Variants in PLEKHS1 observed in about 807,000 individuals in gnomAD.
The protein encoded by PLEKHS1 is pleckstrin homology domain-containing family S member 1.
In PLEKHS1, 55 loss-of-function variants were observed where a neutral mutation model predicts 51.0. The observed-to-expected ratio is 1.08, with a 90% confidence interval of 0.87 to 1.35. The LOEUF (loss-of-function observed/expected upper bound fraction) is 1.35. Among genes scored for constraint, PLEKHS1 ranks in the 40% most tolerant of loss-of-function variants. PLEKHS1 has a pLI of 0.00. For synonymous variants in PLEKHS1, 153 were observed against 144.8 expected (o/e 1.06, Z -0.41); for missense variants, 398 against 423.0 (o/e 0.94, Z 0.52).
chr10:113,768,128 A>G (rs148991582), intron 5 of PLEKHS1, among the ~76,000 whole-genome samples: 357 of 151,898 alleles, frequency 2.4e-3, no homozygotes, highest in African/African-American at 8.2e-3. Context: ...TCCATGTAAA[A>G]GAACCCAATA....
At chr10:113,779,318 C>T (rs912896708) in intron 11 of PLEKHS1, among the ~76,000 whole-genome samples, 2 of 152,130 alleles carry the variant, frequency 1.3e-5, no homozygotes, top group African/African-American at 4.8e-5. Flanking sequence ...CACCTGTAAC[C>T]CCAGCACTTT....
At chr10:113,776,418 G>T (rs998994196) in intron 11 of PLEKHS1, among the ~76,000 whole-genome samples, 1 of 152,090 alleles carries the variant, frequency 6.6e-6, no homozygotes, top group African/African-American at 2.4e-5. Flanking sequence ...AATTTATTTT[G>T]ATGGAAGATT....
chr10:113,777,862 C>A, intron 11 of PLEKHS1: 1 of 1,128,410 alleles, frequency 8.9e-7, no homozygotes, highest in Non-Finnish European at 1.2e-6. Flanking sequence ...CGGTGGCTTA[C>A]ACCTGTAATC....
chr10:113,751,972 C>T (rs1392950081), intron 1 of PLEKHS1, among the ~76,000 whole-genome samples: 2 of 152,130 alleles, frequency 1.3e-5, no homozygotes, highest in African/African-American at 4.8e-5. Context: ...TTCACCAAAT[C>T]CAAAATAATG....
intron 7 of PLEKHS1, among the ~76,000 whole-genome samples, chr10:113,770,273 C>T (rs1003104219): frequency 1.3e-5 from 2 of 152,234 alleles, no homozygotes; most frequent in Admixed American, 1.3e-4. Flanking sequence ...TCTGTCTGTA[C>T]TCCTCAGGCA....
chr10:113,752,370 T>A (rs1311069077), intron 1 of PLEKHS1, among the ~76,000 whole-genome samples: 1 of 152,240 alleles, frequency 6.6e-6, no homozygotes, highest in African/African-American at 2.4e-5. Context: ...AAATCTTTCA[T>A]ATACATATTG....
At chr10:113,767,201 C>T in intron 4 of PLEKHS1, 144 bp from the exon 5 acceptor site, 2 of 595,196 alleles carry the variant, frequency 3.4e-6, no homozygotes, top group Non-Finnish European at 5.0e-6. Flanking sequence ...AAAATCCAAA[C>T]TTATCTTCTA....
At chr10:113,772,793 G>A (rs568180399) in intron 8 of PLEKHS1, among the ~76,000 whole-genome samples, 1 of 152,334 alleles carries the variant, frequency 6.6e-6, no homozygotes, top group East Asian at 1.9e-4. Context: ...GCAACCTAGA[G>A]TGCGTGAAAG....
At chr10:113,762,240 T>G (rs144039279) in intron 2 of PLEKHS1, among the ~76,000 whole-genome samples, 2 of 152,078 alleles carry the variant, frequency 1.3e-5, no homozygotes, top group Admixed American at 1.3e-4. Flanking sequence ...GTTTGTTAAC[T>G]TAATCTTTTT....
At chr10:113,780,508 C>A (rs1179814650) in intron 11 of PLEKHS1, 94 bp from the exon 13 acceptor site, 2 of 1,201,454 alleles carry the variant, frequency 1.7e-6, no homozygotes, top group Non-Finnish European at 2.4e-6. Context: ...TTCTTCAATA[C>A]CAGCTCCCAA....
rs190723579 is a variant in PLEKHS1 at position 113,775,182 on chromosome 10, T to C, written c.989+147T>C. ...AAACTTGACCATCTTCTCCCTGTCATTGATGTTGTGGCCAAGGAGAGGGGA... is the reference window on the plus strand; with the variant it reads ...AAACTTGACCATCTTCTCCCTGTCACTGATGTTGTGGCCAAGGAGAGGGGA... On this transcript the variant is annotated intron_variant, in intron 10 of 11. Coordinates refer to ENST00000361048, the Ensembl canonical transcript of PLEKHS1. The C allele has an allele frequency of 2.1e-4, 152 of 731,120 alleles. 1 individual carries two copies. In the African/African-American group the frequency reaches 2.3e-3, roughly 11 times the overall value. The allele number at this position is 731,120 out of a possible 1,614,324, so 45.3% of individuals were successfully genotyped here.
At chr10:113,753,816 A>T (rs951045337) in intron 1 of PLEKHS1, among the ~76,000 whole-genome samples, 9 of 151,560 alleles carry the variant, frequency 5.9e-5, no homozygotes, top group African/African-American at 1.9e-4. Flanking sequence ...TGTATTATAT[A>T]TTTTTTTTAT....
intron 2 of PLEKHS1, among the ~76,000 whole-genome samples, chr10:113,762,365 C>CTTTTTTTTTTTTTTTTTTTTTTTTTT (rs34457408): frequency 3.4e-4 from 21 of 61,768 alleles, no homozygotes; most frequent in East Asian, 5.0e-4. Flanking sequence ...AGATTTGTTC[C>CTTTTTTTTTTTTTTTTTTTTTTTTTT]TTTTTTTTTT....
chr10:113,777,173 G>A lies in PLEKHS1; in HGVS notation c.1091+1307G>A, dbSNP rs763373887. Reference sequence around the variant, plus strand: ...ACGTTTGGGATGCATATTTTGCCACGGAGATCATCTTCTGGCAGTGAATGA... The same window carrying A: ...ACGTTTGGGATGCATATTTTGCCACAGAGATCATCTTCTGGCAGTGAATGA... On this transcript the variant is annotated intron_variant, in intron 11 of 11. Coordinates refer to ENST00000361048, the Ensembl canonical transcript of PLEKHS1. 6.8e-6 allele frequency: 11 copies of A among 1,612,650 alleles called. No homozygotes were observed. The highest frequency in any genetic ancestry group is 4.5e-5 in the East Asian group (2 of 44,882).
intron 11 of PLEKHS1, among the ~76,000 whole-genome samples, 199 bp from the exon 12 acceptor site, chr10:113,776,925 G>A (rs982692896): frequency 6.6e-6 from 1 of 152,170 alleles, no homozygotes; most frequent in Non-Finnish European, 1.5e-5. Flanking sequence ...CCTTTGTAAG[G>A]GTGGTATAAT....
intron 2 of PLEKHS1, among the ~76,000 whole-genome samples, chr10:113,755,696 T>G (rs1240273620): frequency 1.3e-5 from 2 of 152,184 alleles, no homozygotes; most frequent in African/African-American, 4.8e-5. Context: ...TAAGCCACCA[T>G]GTACAGCCCC....
At chr10:113,771,476 A>G (rs1182968173) in intron 7 of PLEKHS1, among the ~76,000 whole-genome samples, 1 of 152,004 alleles carries the variant, frequency 6.6e-6, no homozygotes, top group East Asian at 1.9e-4. Flanking sequence ...GTTTGAGACC[A>G]GCCTGGCCAA....
chr10:113,780,825 C>T (rs1844843757), exon 12 of PLEKHS1: 1 of 1,495,962 alleles, frequency 6.7e-7, no homozygotes, highest in Non-Finnish European at 8.9e-7. Flanking sequence ...GGAGCTGGGA[C>T]TGTCCAGCTC....
Position 113,766,823 on chromosome 10 carries a change from G to A in PLEKHS1, c.224+105G>A, listed in dbSNP as rs1416218514. On this transcript the variant is annotated intron_variant, in intron 4 of 11. Coordinates refer to ENST00000361048, the Ensembl canonical transcript of PLEKHS1. Reference sequence around the variant, plus strand: ...TTTACATAATTGACCAAAGGAACCTGCTTCAAGCTGATTATAATATTTGTG... The same window carrying A: ...TTTACATAATTGACCAAAGGAACCTACTTCAAGCTGATTATAATATTTGTG... The A allele has an allele frequency of 5.1e-5, 41 of 809,156 alleles. No homozygotes were observed. In the East Asian group the frequency reaches 1.1e-3, roughly 22 times the overall value. 50.1% of individuals were successfully genotyped at this position (809,156 alleles called of 1,614,324 possible).
Sources: gnomAD v4.1 joint callset for allele counts (sites outside exome capture counted in the v4.1 genomes callset) on GRCh38, gnomAD v4.1.1 for gene constraint, MANE v1.5 for transcripts, NCBI Gene and HGNC (gene_info 2026-07-23, HGNC 2026-07-21) for gene names.